Variants in FANCA observed in about 807,000 individuals in gnomAD.
FANCA encodes FA complementation group A.
Under a neutral mutation model 194.3 loss-of-function variants are expected in FANCA, and 236 were observed. The observed-to-expected ratio is 1.21, with a 90% confidence interval of 1.09 to 1.35. The LOEUF (loss-of-function observed/expected upper bound fraction) is 1.35. Among genes scored for constraint, FANCA ranks in the 40% most tolerant of loss-of-function variants. The probability of loss-of-function intolerance (pLI) is 0.00; values close to 1 mark genes in which losing one functional copy is unlikely to be tolerated. For synonymous variants in FANCA, 1,014 were observed against 715.8 expected (o/e 1.42, Z -6.65); for missense variants, 2,628 against 1,813.9 (o/e 1.45, Z -8.15).
chr16:89,769,747 G>C lies in FANCA; in HGVS notation c.2504+90C>G, dbSNP rs2039255999. Reference sequence around the variant, plus strand: ...GTGGTTATCTTTGGGTGGTATGTCTGCATGTCTGTCTCTTCTAATTTTATC... The same window carrying C: ...GTGGTTATCTTTGGGTGGTATGTCTCCATGTCTGTCTCTTCTAATTTTATC... On this transcript the variant is annotated intron_variant, in intron 26 of 42. Transcript: ENST00000389301. 3 of 1,442,250 alleles carry C rather than the reference G, an allele frequency of 2.1e-6. No individual in the cohort carries two copies. The Admixed American group carries it at 5.8e-5, about 28-fold the overall frequency. The allele number at this position is 1,442,250 out of a possible 1,614,324, so 89.3% of individuals were successfully genotyped here.
intron 42 of FANCA, 49 bp from the exon 43 acceptor site, chr16:89,738,757 G>C (rs1415370917): frequency 6.2e-7 from 1 of 1,612,630 alleles, no homozygotes; most frequent in South Asian, 1.1e-5. Context: ...CTAGGCCTCA[G>C]ACCACAGGGG....
At position 89,758,456 on chromosome 16, in the gene FANCA, G is replaced by C. The variant is rs947749622; in HGVS notation, c.2981+121C>G. The stretch of plus-strand genomic sequence containing the variant: ...GAGACTGACATTTGGGTATAGGCTG[G>C]GAAAGGCAGACCCACCCTAAGCTAA... On this transcript the variant is annotated intron_variant, in intron 30 of 42. Coordinates refer to ENST00000389301, the MANE Select transcript of FANCA (RefSeq NM_000135.4). The C allele has an allele frequency of 6.6e-6, 8 of 1,213,952 alleles. No individual in the cohort carries two copies. In the African/African-American group the frequency reaches 1.2e-4, roughly 18 times the overall value. 75.2% of individuals were successfully genotyped at this position (1,213,952 alleles called of 1,614,324 possible). A position where few individuals can be genotyped will look rare whatever the true frequency, so the allele number is the denominator to read the frequency against.
rs534877119 is a variant in FANCA at position 89,815,115 on chromosome 16, C to G, written c.190-502G>C. 6.6e-5 allele frequency among the ~76,000 whole-genome samples: 10 copies of G among 151,956 alleles called. No homozygotes were observed. The South Asian group carries it at 2.1e-3, about 32-fold the overall frequency. On this transcript the variant is annotated intron_variant, in intron 2 of 42. Transcript: ENST00000389301. ...TGCAATGGCGGGATCTCACTCACGG[C>G]GACCTCCACCTCCCAGGTTCAAGCG...
At chr16:89,798,872 C>G in intron 10 of FANCA, 2 of 1,559,556 alleles carry the variant, frequency 1.3e-6, no homozygotes, top group Admixed American at 1.8e-5. Context: ...AGACTCCACA[C>G]AGGAGGAGGT....
In FANCA at chr16:89,737,763, T is replaced by C. The variant is rs758745191; in HGVS notation, c.*838A>G. The C allele has an allele frequency of 9.3e-6, 15 of 1,611,216 alleles. No homozygotes were observed. The East Asian group carries it at 3.1e-4, about 34-fold the overall frequency. On this transcript the variant is annotated 3_prime_UTR_variant, in exon 43 of 43. Transcript: ENST00000389301. ...TGTCATCGTCGTCCCCCCGGGAGGT[T>C]GGAGCATCAGGGGCCTGGACTCACT...
chr16:89,795,083 G>A (rs112992887), intron 11 of FANCA, among the ~76,000 whole-genome samples: 2,452 of 152,138 alleles, frequency 0.016, 63 homozygotes, highest in East Asian at 0.052. Flanking sequence ...TTAGGAGTTC[G>A]AGACCAGCCT....
chr16:89,741,005 C>G (rs1172832603), intron 37 of FANCA, 139 bp from the exon 38 acceptor site: 9 of 770,778 alleles, frequency 1.2e-5, no homozygotes, highest in Non-Finnish European at 2.0e-5. Flanking sequence ...AGAAAACTTT[C>G]CAATCACTTC....
Position 89,799,198 on chromosome 16 carries a change from C to T in FANCA, c.861G>A (p.Glu287=), listed in dbSNP as rs2143581361. 6.2e-7 allele frequency: 1 copy of T among 1,614,166 alleles called. No individual in the cohort carries two copies. Among genetic ancestry groups the T allele is most frequent in the Middle Eastern group, 1.7e-4 (1 of 6,060 alleles). Residue 287 remains glutamate (E), a synonymous_variant, in exon 10 of 43, where the codon GAG becomes GAA. Transcript: ENST00000389301. Reference sequence around the variant, plus strand: ...TCACGATCTTGTGAGTGGAGGACTCCTCCTGTACTCCAGCAGCCAAAGCGT... The same window carrying T: ...TCACGATCTTGTGAGTGGAGGACTCTTCCTGTACTCCAGCAGCCAAAGCGT... ...ALDALAAGVQ[E]ESSTHKIVRC...
chr16:89,789,534 C>T (rs1180494277), intron 14 of FANCA, among the ~76,000 whole-genome samples: 9 of 149,564 alleles, frequency 6.0e-5, no homozygotes, highest in Non-Finnish European at 1.3e-4. Flanking sequence ...TCAACCTCCT[C>T]GGCTTAAGTA....
chr16:89,738,060 C>T lies in FANCA; in HGVS notation c.*541G>A. 1 of 1,614,150 alleles carries T rather than the reference C, an allele frequency of 6.2e-7. No individual in the cohort carries two copies. The highest frequency in any genetic ancestry group is 8.5e-7 in the Non-Finnish European group (1 of 1,180,052). ...AACACAAGGCTGAGACTGAGCTGGA[C>T]TTTGCCTGTGACCAGTGTGGCCGGC... On this transcript the variant is annotated 3_prime_UTR_variant, in exon 43 of 43. Coordinates refer to ENST00000389301, the MANE Select transcript of FANCA (RefSeq NM_000135.4).
Position 89,738,432 on chromosome 16 carries a change from A to C in FANCA, c.*169T>G. 1.4e-6 allele frequency: 2 copies of C among 1,382,388 alleles called. No individual in the cohort carries two copies. The highest frequency in any genetic ancestry group is 1.4e-5 in the African/African-American group (1 of 69,734). The allele number at this position is 1,382,388 out of a possible 1,614,324, so 85.6% of individuals were successfully genotyped here. ...TGGGACCAGTGGTTTATTTTCCCGC[A>C]AACGCTGAGTGACTCGGGGCCGGAC... On this transcript the variant is annotated 3_prime_UTR_variant, in exon 43 of 43. Coordinates refer to ENST00000389301, the MANE Select transcript of FANCA (RefSeq NM_000135.4).
At chr16:89,739,959 C>G (rs1486116374) in intron 39 of FANCA, 35 bp downstream of exon 39, 1 of 1,612,146 alleles carries the variant, frequency 6.2e-7, no homozygotes, top group South Asian at 1.1e-5. Context: ...AAAGAGCGGC[C>G]CTCCGCATTT....
chr16:89,757,217 C>G (rs752887063), intron 30 of FANCA, among the ~76,000 whole-genome samples: 1 of 152,158 alleles, frequency 6.6e-6, no homozygotes, highest in Non-Finnish European at 1.5e-5. Context: ...CTGCCTTGGC[C>G]TCCCAGTGCT....
chr16:89,741,026 G>C, intron 37 of FANCA, 160 bp from the exon 38 acceptor site: 2 of 676,328 alleles, frequency 3.0e-6, no homozygotes, highest in South Asian at 1.8e-5. Flanking sequence ...TAGAGAGACA[G>C]CTTAATTGAG....
At chr16:89,749,057 G>A (rs1361635427) in intron 32 of FANCA, among the ~76,000 whole-genome samples, 1 of 152,184 alleles carries the variant, frequency 6.6e-6, no homozygotes, top group Non-Finnish European at 1.5e-5. Context: ...AGTGGATGAC[G>A]CACCAGTCTG....
chr16:89,770,233 A>C lies in FANCA; in HGVS notation c.2249T>G (p.Val750Gly). Residue 750 changes from valine (V) to glycine (G), a missense_variant, in exon 25 of 43, where the codon GTG becomes GGG. Val to Gly is a moderately radical substitution (Grantham distance 109). Coordinates refer to ENST00000389301, the MANE Select transcript of FANCA (RefSeq NM_000135.4). ...GAGCACACGTCCACACATGGTCCTCACGAAGAGGGCAGCCCAGGGACCCTG... is the reference window on the plus strand; with the variant it reads ...GAGCACACGTCCACACATGGTCCTCCCGAAGAGGGCAGCCCAGGGACCCTG... Reference protein sequence around the residue: ...ERQGPWAALFVRTMCGRVLPA... With the variant: ...ERQGPWAALFGRTMCGRVLPA... The C allele has an allele frequency of 6.3e-7, 1 of 1,587,502 alleles. No homozygotes were observed. Among genetic ancestry groups the C allele is most frequent in the Non-Finnish European group, 8.6e-7 (1 of 1,167,226 alleles).
chr16:89,806,900 G>A (rs1254814540), intron 6 of FANCA, among the ~76,000 whole-genome samples: 1 of 152,098 alleles, frequency 6.6e-6, no homozygotes, highest in African/African-American at 2.4e-5. Flanking sequence ...CGGGTAGAGG[G>A]GCTCCTCACT....
chr16:89,769,842 G>A lies in FANCA; in HGVS notation c.2499C>T (p.Cys833=). Residue 833 remains cysteine (C), a synonymous_variant, in exon 26 of 43, where the codon TGC becomes TGT. Coordinates refer to ENST00000389301, the MANE Select transcript of FANCA (RefSeq NM_000135.4). ...TCRTRDSLFF[C]LKFCTAAISY... ...ACTGTGGAAGAAGAGCTCACTTCAGGCAGAAGAACAAGGAATCCCTCGTCC... is the reference window on the plus strand; with the variant it reads ...ACTGTGGAAGAAGAGCTCACTTCAGACAGAAGAACAAGGAATCCCTCGTCC... 2 of 1,614,056 alleles carry A rather than the reference G, an allele frequency of 1.2e-6. No individual in the cohort carries two copies. The highest frequency in any genetic ancestry group is 1.1e-5 in the South Asian group (1 of 91,072).
At chr16:89,776,549 C>G (rs1348622282) in intron 20 of FANCA, among the ~76,000 whole-genome samples, 2 of 151,860 alleles carry the variant, frequency 1.3e-5, no homozygotes, top group African/African-American at 4.8e-5. Flanking sequence ...AAAATTGGGC[C>G]AGGCGCGGTG....
Sources: allele counts gnomAD v4.1 joint callset (sites outside exome capture counted in the v4.1 genomes callset), GRCh38; gene constraint gnomAD v4.1.1; transcripts MANE v1.5; gene names NCBI Gene and HGNC (gene_info 2026-07-23, HGNC 2026-07-21).